The following SH3RF3 variants were observed in gnomAD, a reference collection of about 807,000 sequenced individuals.
The protein encoded by SH3RF3 is SH3 domain containing ring finger 3.
SH3RF3 carries 29 observed loss-of-function variants against 66.3 expected under a neutral mutation model. The ratio of observed to expected loss-of-function variants is 0.44; its 90% CI spans 0.33 to 0.60. The LOEUF (loss-of-function observed/expected upper bound fraction) is 0.60. Ranked by LOEUF, SH3RF3 falls within the 20% of genes least tolerant of loss-of-function variation. The pLI is 0.04. For synonymous variants in SH3RF3, 583 were observed against 532.0 expected (o/e 1.10, Z -1.32); for missense variants, 1,194 against 1,190.9 (o/e 1.00, Z -0.04).
At chr2:109,271,695 G>A (rs1002190287) in intron 1 of SH3RF3, among the ~76,000 whole-genome samples, 4 of 152,214 alleles carry the variant, frequency 2.6e-5, no homozygotes, top group South Asian at 2.1e-4. Flanking sequence ...CATTTAGGAC[G>A]AAGGGCCCCC....
Position 109,293,454 on chromosome 2 carries a change from G to A in SH3RF3, c.574-54220G>A, listed in dbSNP as rs375559717. 2.4e-4 allele frequency among the ~76,000 whole-genome samples: 37 copies of A among 152,266 alleles called. No homozygotes were observed. In the East Asian group the frequency reaches 2.9e-3, roughly 12 times the overall value. ...GTCCCAGGCTACCCCAGTGGTGACC[G>A]GGCTGCCTGCCCTACCCTGCCCCCT... is the stretch of plus-strand genomic sequence containing the variant. On this transcript the variant is annotated intron_variant, in intron 1 of 9. Coordinates refer to ENST00000309415, the MANE Select transcript of SH3RF3 (RefSeq NM_001099289.3).
intron 4 of SH3RF3, among the ~76,000 whole-genome samples, chr2:109,410,800 C>T (rs184481476): frequency 1.3e-5 from 2 of 152,276 alleles, no homozygotes; most frequent in Admixed American, 1.3e-4. Flanking sequence ...GGCTGCTAGG[C>T]GCGACTTCGT....
At chr2:109,260,191 G>C (rs1680316275) in intron 1 of SH3RF3, among the ~76,000 whole-genome samples, 1 of 152,124 alleles carries the variant, frequency 6.6e-6, no homozygotes, top group African/African-American at 2.4e-5. Flanking sequence ...TGATAAGCCT[G>C]CAGTGCACTA....
Position 109,153,524 on chromosome 2 carries a change from G to A in SH3RF3, c.573+23411G>A, listed in dbSNP as rs536755786. Among the ~76,000 whole-genome samples, 496 of 152,330 alleles carry A rather than the reference G, an allele frequency of 3.3e-3. 1 individual carries two copies. Among genetic ancestry groups the A allele is most frequent in the African/African-American group, 0.011 (447 of 41,572 alleles). ...TTAAGGTCAAAAGCAGAGGAAGCAT[G>A]GGCTCGGCTCAGTGTGCAATGCCTT... is the stretch of plus-strand genomic sequence containing the variant. On this transcript the variant is annotated intron_variant, in intron 1 of 9. Coordinates refer to ENST00000309415, the MANE Select transcript of SH3RF3 (RefSeq NM_001099289.3).
intron 1 of SH3RF3, among the ~76,000 whole-genome samples, chr2:109,321,816 A>G (rs973250659): frequency 6.6e-6 from 1 of 152,228 alleles, no homozygotes; most frequent in Non-Finnish European, 1.5e-5. Flanking sequence ...ACATTTTGAC[A>G]TCAGAGGCTG....
chr2:109,143,986 G>A (rs1009357040), intron 1 of SH3RF3, among the ~76,000 whole-genome samples: 1 of 152,126 alleles, frequency 6.6e-6, no homozygotes, highest in Non-Finnish European at 1.5e-5. Flanking sequence ...ATTCATATCC[G>A]GAATCTAAAA....
chr2:109,409,012 G>C lies in SH3RF3; in HGVS notation c.1299+10069G>C, dbSNP rs115715217. 6.0e-3 allele frequency among the ~76,000 whole-genome samples: 910 copies of C among 152,292 alleles called. 11 individuals are homozygous for C. Among genetic ancestry groups the C allele is most frequent in the African/African-American group, 0.021 (854 of 41,562 alleles). On this transcript the variant is annotated intron_variant, in intron 4 of 9. Coordinates refer to ENST00000309415, the MANE Select transcript of SH3RF3 (RefSeq NM_001099289.3). Reference sequence around the variant, plus strand: ...TCTTAGCTGAGGCTTGGGAAGCCCCGGGTAGGCGAGAAAGGGGTCCTATAA... The same window carrying C: ...TCTTAGCTGAGGCTTGGGAAGCCCCCGGTAGGCGAGAAAGGGGTCCTATAA...
At chr2:109,182,141 A>G (rs901031658) in intron 1 of SH3RF3, among the ~76,000 whole-genome samples, 3 of 152,242 alleles carry the variant, frequency 2.0e-5, no homozygotes, top group African/African-American at 4.8e-5. Flanking sequence ...TTCTGCTGCT[A>G]TAGAAGAATA....
chr2:109,131,920 T>C (rs1241213559), intron 1 of SH3RF3, among the ~76,000 whole-genome samples: 1 of 152,224 alleles, frequency 6.6e-6, no homozygotes, highest in African/African-American at 2.4e-5. Context: ...CACACTACAC[T>C]AGCACTATAC....
chr2:109,322,382 A>G (rs906529027), intron 1 of SH3RF3, among the ~76,000 whole-genome samples: 1 of 152,202 alleles, frequency 6.6e-6, no homozygotes, highest in African/African-American at 2.4e-5. Context: ...CAGGCAGACT[A>G]GGCAGTTGGG....
intron 1 of SH3RF3, among the ~76,000 whole-genome samples, chr2:109,176,347 C>T (rs1372174881): frequency 6.6e-6 from 1 of 152,170 alleles, no homozygotes; most frequent in Non-Finnish European, 1.5e-5. Flanking sequence ...GAGAAGACAG[C>T]TGAGCAGCAG....
At chr2:109,427,934 A>G (rs1389273493) in intron 5 of SH3RF3, among the ~76,000 whole-genome samples, 1 of 152,198 alleles carries the variant, frequency 6.6e-6, no homozygotes, top group Non-Finnish European at 1.5e-5. Context: ...CGCTCCTCTG[A>G]GCATCTGCAC....
chr2:109,159,402 G>A (rs1486624754), intron 1 of SH3RF3, among the ~76,000 whole-genome samples: 2 of 152,232 alleles, frequency 1.3e-5, no homozygotes, highest in East Asian at 3.9e-4. Flanking sequence ...ACCAGGGCGG[G>A]CATGAGGCTG....
At chr2:109,198,640 C>T (rs1273111754) in intron 1 of SH3RF3, among the ~76,000 whole-genome samples, 1 of 152,222 alleles carries the variant, frequency 6.6e-6, no homozygotes, top group Non-Finnish European at 1.5e-5. Context: ...GGTTTGTAGA[C>T]AGCCAGTGTC....
At chr2:109,335,419 G>A (rs1286060247) in intron 1 of SH3RF3, among the ~76,000 whole-genome samples, 2 of 152,226 alleles carry the variant, frequency 1.3e-5, no homozygotes, top group Non-Finnish European at 2.9e-5. Context: ...TGGGAAGCCC[G>A]TACCTCTTCC....
At chr2:109,474,638 G>A (rs1425794189) in intron 8 of SH3RF3, among the ~76,000 whole-genome samples, 1 of 152,226 alleles carries the variant, frequency 6.6e-6, no homozygotes, top group African/African-American at 2.4e-5. Flanking sequence ...TGAAATTCCA[G>A]AAGCTTCCCG....
At chr2:109,473,378 T>A (rs1413269271) in intron 8 of SH3RF3, among the ~76,000 whole-genome samples, 1 of 152,114 alleles carries the variant, frequency 6.6e-6, no homozygotes, top group Non-Finnish European at 1.5e-5. Flanking sequence ...GAATAGGGCG[T>A]GCTCTGAGGC....
intron 1 of SH3RF3, among the ~76,000 whole-genome samples, chr2:109,312,164 A>G (rs986159609): frequency 1.3e-5 from 2 of 152,192 alleles, no homozygotes; most frequent in Non-Finnish European, 1.5e-5. Flanking sequence ...CAGAACTCCA[A>G]ATCTTACAAA....
At chr2:109,150,025 G>GT (rs1677193640) in intron 1 of SH3RF3, among the ~76,000 whole-genome samples, 1 of 152,184 alleles carries the variant, frequency 6.6e-6, no homozygotes, top group African/African-American at 2.4e-5. Flanking sequence ...CCAGGGCCCT[G>GT]TGATGGGTCT....
Sources: gnomAD v4.1 joint callset for allele counts (sites outside exome capture counted in the v4.1 genomes callset) on GRCh38, gnomAD v4.1.1 for gene constraint, MANE v1.5 for transcripts, NCBI Gene and HGNC (gene_info 2026-07-23, HGNC 2026-07-21) for gene names.